IRAG1: variants seen among roughly 807,000 people sequenced by gnomAD.
IRAG1 encodes IP3R-associated cGMP kinase substrate.
In IRAG1, 62 loss-of-function variants were observed where a neutral mutation model predicts 106.2. The ratio of observed to expected loss-of-function variants is 0.58; its 90% CI spans 0.48 to 0.72. The LOEUF (loss-of-function observed/expected upper bound fraction) is 0.72. Ranked by LOEUF, IRAG1 falls within the 30% of genes least tolerant of loss-of-function variation. The pLI, the probability that IRAG1 is intolerant of heterozygous loss-of-function variation, is 0.00. For synonymous variants in IRAG1, 462 were observed against 443.9 expected (o/e 1.04, Z -0.51); for missense variants, 1,064 against 1,140.7 (o/e 0.93, Z 0.97).
At chr11:10,646,081 G>GC (rs1419193894) in intron 2 of IRAG1, among the ~76,000 whole-genome samples, 1 of 152,178 alleles carries the variant, frequency 6.6e-6, no homozygotes, top group Non-Finnish European at 1.5e-5. Flanking sequence ...CTGCCATGCT[G>GC]CTTATACCTT....
chr11:10,598,384 G>T lies in IRAG1; in HGVS notation c.2017+2534C>A, dbSNP rs1330168146. On this transcript the variant is annotated intron_variant, in intron 15 of 20. Transcript: ENST00000423302. ...AATTTCTAAGTGCTTGTGGTCAAAAGATTTTCAAGTTTTCCAGTCAGCCAA... is the reference window on the plus strand; with the variant it reads ...AATTTCTAAGTGCTTGTGGTCAAAATATTTTCAAGTTTTCCAGTCAGCCAA... Among the ~76,000 whole-genome samples the T allele has an allele frequency of 2.0e-5, 3 of 152,326 alleles. No individual in the cohort carries two copies. In the East Asian group the frequency reaches 5.8e-4, roughly 29 times the overall value.
At chr11:10,582,822 G>A (rs1851535400) in intron 18 of IRAG1, among the ~76,000 whole-genome samples, 1 of 152,138 alleles carries the variant, frequency 6.6e-6, no homozygotes, top group Non-Finnish European at 1.5e-5. Flanking sequence ...CAGGTGTGGT[G>A]GCACACACCT....
chr11:10,648,920 A>G (rs1008230763), intron 2 of IRAG1, among the ~76,000 whole-genome samples: 5 of 152,162 alleles, frequency 3.3e-5, no homozygotes, highest in African/African-American at 1.2e-4. Context: ...AGTGATGGGA[A>G]ATAGGGGCTG....
At chr11:10,640,234 A>T (rs974780082) in intron 2 of IRAG1, among the ~76,000 whole-genome samples, 15 of 152,148 alleles carry the variant, frequency 9.9e-5, no homozygotes, top group Non-Finnish European at 2.1e-4. Flanking sequence ...GGGGAGGAGG[A>T]CCATGGCAGA....
At position 10,665,810 on chromosome 11, in the gene IRAG1, G is replaced by A. The variant is rs560107886; in HGVS notation, c.68-13628C>T. ...CCAATAGACTCTGAGCTGAACTGCA[G>A]GATGGTGGGTGTGTACACAAGAAGA... is the stretch of plus-strand genomic sequence containing the variant. On this transcript the variant is annotated intron_variant, in intron 1 of 20. Coordinates refer to ENST00000423302, the MANE Select transcript of IRAG1 (RefSeq NM_130385.4). This position sits in a 1 kb window ranked among gnomAD's most constrained non-coding sequence, Gnocchi z 4.2. 1.3e-5 allele frequency among the ~76,000 whole-genome samples: 2 copies of A among 152,226 alleles called. No homozygotes were observed. The highest frequency in any genetic ancestry group is 2.9e-5 in the Non-Finnish European group (2 of 68,032).
rs1850686800 is a variant in IRAG1, at chr11:10,573,554, T to C, written c.*2778A>G. On this transcript the variant is annotated 3_prime_UTR_variant, in exon 21 of 21. Transcript: ENST00000423302. ...AGCACTTTTTCAGCCCCTGTATATA[T>C]GGCTATTCTTATGCTCCCTTTTGGA... 6.6e-6 allele frequency: 1 copy of C among 152,236 alleles called. No individual in the cohort carries two copies. Among genetic ancestry groups the C allele is most frequent in the Non-Finnish European group, 1.5e-5 (1 of 68,068 alleles). The allele number at this position is 152,236 out of a possible 1,614,324, so 9.4% of individuals were successfully genotyped here.
At chr11:10,606,219 C>T (rs1013404459) in intron 12 of IRAG1, among the ~76,000 whole-genome samples, 1 of 152,138 alleles carries the variant, frequency 6.6e-6, no homozygotes, top group Non-Finnish European at 1.5e-5. Context: ...TGCAGATTCC[C>T]CTCAGCTCAC....
In IRAG1 at chr11:10,665,174, C is replaced by T. The variant is rs1027187601; in HGVS notation, c.68-12992G>A. Reference sequence around the variant, plus strand: ...ACCCTGAGAGTTTAAGCTGGGAACTCAGATCTAGAGTTGATGAGCTTACCC... The same window carrying T: ...ACCCTGAGAGTTTAAGCTGGGAACTTAGATCTAGAGTTGATGAGCTTACCC... On this transcript the variant is annotated intron_variant, in intron 1 of 20. Transcript: ENST00000423302. The surrounding 1 kb of genome is among the most constrained non-coding windows in gnomAD (Gnocchi z 4.2). Among the ~76,000 whole-genome samples the T allele has an allele frequency of 2.6e-5, 4 of 152,084 alleles. No homozygotes were observed. The highest frequency in any genetic ancestry group is 7.2e-5 in the African/African-American group (3 of 41,396).
intron 2 of IRAG1, among the ~76,000 whole-genome samples, chr11:10,641,788 T>G (rs190076984): frequency 6.6e-6 from 1 of 152,316 alleles, no homozygotes; most frequent in East Asian, 1.9e-4. Context: ...TTGATATCTT[T>G]CTTTTTTCTC....
chr11:10,667,967 C>G (rs1428916978), intron 1 of IRAG1, among the ~76,000 whole-genome samples: 1 of 152,200 alleles, frequency 6.6e-6, no homozygotes, highest in Non-Finnish European at 1.5e-5. Flanking sequence ...TCTGAGACTG[C>G]CAAACCTCTC....
rs185682947 is a variant in IRAG1 at position 10,625,187 on chromosome 11, C to G, written c.1368+779G>C. Among the ~76,000 whole-genome samples the G allele has an allele frequency of 1.2e-3, 185 of 152,302 alleles. 1 individual carries two copies. The highest frequency in any genetic ancestry group is 1.9e-3 in the Non-Finnish European group (126 of 68,026). ...CGGGCACCTTCTTTTCTTCCCTGCC[C>G]CACATTTCCCTCTGTAGAGGAGCCA... On this transcript the variant is annotated intron_variant, in intron 9 of 20. Transcript: ENST00000423302.
chr11:10,597,149 CCAG>C (rs1853408541), intron 15 of IRAG1, among the ~76,000 whole-genome samples: 1 of 152,158 alleles, frequency 6.6e-6, no homozygotes, highest in African/African-American at 2.4e-5. Context: ...GTAAATGTGC[CCAG>C]AAGAAGGAGA....
chr11:10,601,979 C>T (rs1854064787), intron 14 of IRAG1, among the ~76,000 whole-genome samples: 1 of 152,242 alleles, frequency 6.6e-6, no homozygotes, highest in African/African-American at 2.4e-5. Context: ...TTTCTCTCTG[C>T]TCATACCCCA....
At position 10,609,711 on chromosome 11, in the gene IRAG1, C is replaced by A. The variant is rs565167568; in HGVS notation, c.1571+17G>T. The A allele has an allele frequency of 1.2e-6, 2 of 1,609,662 alleles. No homozygotes were observed. The highest frequency in any genetic ancestry group is 2.8e-5 in the African/African-American group (2 of 71,942). On this transcript the variant is annotated intron_variant, in intron 11 of 20. Coordinates refer to ENST00000423302, the MANE Select transcript of IRAG1 (RefSeq NM_130385.4). ...CACTCGGTACAGGGCCTTCTGTAAC[C>A]CACATCCTGATTTTACCTTCCAGGG...
intron 1 of IRAG1, chr11:10,687,628 C>T (rs996840078): frequency 8.2e-7 from 1 of 1,224,648 alleles, no homozygotes; most frequent in Non-Finnish European, 1.0e-6. Flanking sequence ...TATTGGGCCT[C>T]CTTAAAGACT....
Position 10,593,834 on chromosome 11 carries a change from G to A in IRAG1, c.2068-235C>T. Reference sequence around the variant, plus strand: ...TTCTATTTTAGCTTATGAGATCTTGGAGATACAGAATGGAAATGACCCCAC... The same window carrying A: ...TTCTATTTTAGCTTATGAGATCTTGAAGATACAGAATGGAAATGACCCCAC... On this transcript the variant is annotated intron_variant, in intron 16 of 20. Transcript: ENST00000423302. 5.2e-6 allele frequency: 3 copies of A among 574,784 alleles called. No individual in the cohort carries two copies. In the South Asian group the frequency reaches 6.3e-5, roughly 12 times the overall value. The allele number at this position is 574,784 out of a possible 1,614,324, so 35.6% of individuals were successfully genotyped here. A position where few individuals can be genotyped will look rare whatever the true frequency, so the allele number is the denominator to read the frequency against.
rs1160253952 is a variant in IRAG1 at position 10,657,459 on chromosome 11, A to C, written c.68-5277T>G. Among the ~76,000 whole-genome samples, 2 of 152,134 alleles carry C rather than the reference A, an allele frequency of 1.3e-5. No homozygotes were observed. The highest frequency in any genetic ancestry group is 2.9e-5 in the Non-Finnish European group (2 of 68,020). ...AGACCAAACTCCTCTCTGAAACCAC[A>C]GTATCCCAGGAGCACAGCCCGTAAG... On this transcript the variant is annotated intron_variant, in intron 1 of 20. Transcript: ENST00000423302. The surrounding 1 kb of genome is among the most constrained non-coding windows in gnomAD (Gnocchi z 4.1).
At chr11:10,658,285 G>C (rs1859090788) in intron 1 of IRAG1, 1 of 152,280 alleles carries the variant, frequency 6.6e-6, no homozygotes. Flanking sequence ...TTTGTTGCTT[G>C]GCAGATTCCG....
intron 2 of IRAG1, among the ~76,000 whole-genome samples, chr11:10,646,920 A>T (rs1049227026): frequency 6.6e-6 from 1 of 151,986 alleles, no homozygotes; most frequent in Non-Finnish European, 1.5e-5. Flanking sequence ...CAGACAGCCC[A>T]CTCAAGTTAA....
Sources: allele counts gnomAD v4.1 joint callset (sites outside exome capture counted in the v4.1 genomes callset), GRCh38; gene constraint gnomAD v4.1.1; non-coding constraint Gnocchi (gnomAD v3.1); transcripts MANE v1.5; gene names NCBI Gene and HGNC (gene_info 2026-07-23, HGNC 2026-07-21).